NT5DC1: variants seen among roughly 807,000 people sequenced by gnomAD.
NT5DC1 encodes the protein 5'-nucleotidase domain containing 1.
A neutral mutation model predicts 59.4 loss-of-function variants in NT5DC1; 42 were observed. The ratio of observed to expected loss-of-function variants is 0.71; its 90% CI spans 0.55 to 0.92. The LOEUF (loss-of-function observed/expected upper bound fraction) is 0.92, where lower values mean the gene tolerates loss of function less well. Among genes scored for constraint, NT5DC1 ranks in the 40% least tolerant of loss-of-function variants. The pLI is 0.00. For synonymous variants in NT5DC1, 172 were observed against 188.1 expected, an observed-to-expected ratio of 0.91 and a Z score of 0.70; for missense variants, 501 against 537.1, an observed-to-expected ratio of 0.93 and a Z score of 0.66.
At chr6:116,144,648 G>A (rs76017197) in intron 6 of NT5DC1, among the ~76,000 whole-genome samples, 4,516 of 152,150 alleles carry the variant, frequency 0.03, 255 homozygotes, top group African/African-American at 0.1. Context: ...GTTAGTAAAC[G>A]GACTCTTAGA....
At chr6:116,127,590 A>G (rs1396943623) in intron 6 of NT5DC1, among the ~76,000 whole-genome samples, 2 of 152,184 alleles carry the variant, frequency 1.3e-5, no homozygotes, top group African/African-American at 4.8e-5. Flanking sequence ...AGTGAGAGAA[A>G]ACACCTGCCT....
chr6:116,122,020 G>T (rs1779147470), intron 6 of NT5DC1: 3 of 1,414,112 alleles, frequency 2.1e-6, no homozygotes, highest in Non-Finnish European at 3.0e-6. Context: ...ACATTAAAGA[G>T]AATCATTGCC....
chr6:116,172,946 A>G (rs1044042673), intron 6 of NT5DC1, among the ~76,000 whole-genome samples: 10 of 152,164 alleles, frequency 6.6e-5, no homozygotes, highest in African/African-American at 2.4e-4. Flanking sequence ...TGGATAACCA[A>G]TTAGGATAAA....
chr6:116,226,970 T>G (rs529867212), intron 8 of NT5DC1, among the ~76,000 whole-genome samples: 3 of 152,294 alleles, frequency 2.0e-5, no homozygotes, highest in South Asian at 4.2e-4. Flanking sequence ...TTATCATTTT[T>G]TGTGTGTGTG....
intron 4 of NT5DC1, 31 bp from the exon 5 acceptor site, chr6:116,115,660 G>A (rs771375930): frequency 1.6e-5 from 17 of 1,077,140 alleles, no homozygotes; most frequent in Non-Finnish European, 2.5e-5. Context: ...GCATTATGTT[G>A]TTCCCAGTTT....
At position 116,101,118 on chromosome 6, in the gene NT5DC1, C is replaced by T. The variant is rs36043015; in HGVS notation, c.93+95C>T. ...GGTTTGGGCAACGGCGGACGCTGCCCGGGGCCTGCGGCGGCCGAGTCTTGC... is the reference window on the plus strand; with the variant it reads ...GGTTTGGGCAACGGCGGACGCTGCCTGGGGCCTGCGGCGGCCGAGTCTTGC... On this transcript the variant is annotated intron_variant, in intron 1 of 11. Transcript: ENST00000319550. 6 of 871,868 alleles carry T rather than the reference C, an allele frequency of 6.9e-6. No individual in the cohort carries two copies. In the Admixed American group the frequency reaches 8.4e-5, roughly 12 times the overall value. The allele number at this position is 871,868 out of a possible 1,614,324, so 54.0% of individuals were successfully genotyped here. A position where few individuals can be genotyped will look rare whatever the true frequency, so the allele number is the denominator to read the frequency against.
At chr6:116,192,288 A>C (rs1781137601) in intron 6 of NT5DC1, among the ~76,000 whole-genome samples, 1 of 152,008 alleles carries the variant, frequency 6.6e-6, no homozygotes. Context: ...AGTGCCTAAT[A>C]CATAGTGAGG....
At position 116,238,313 on chromosome 6, in the gene NT5DC1, G is replaced by GA; in HGVS notation, c.1049dup (p.Ser351ValfsTer11). The GA allele has an allele frequency of 2.5e-6, 4 of 1,612,800 alleles. No individual in the cohort carries two copies. The highest frequency in any genetic ancestry group is 3.4e-6 in the Non-Finnish European group (4 of 1,179,440). On this transcript the variant is annotated frameshift_variant, in exon 10 of 12. Coordinates refer to ENST00000319550, the MANE Select transcript of NT5DC1 (RefSeq NM_152729.3). LOFTEE classifies it high-confidence loss of function. ...AGGCACGAGGAGTCAGAGGCCTGAG[G>GA]AGTCAGAGCCTCTAGAGAAGAAAGG...
At chr6:116,136,066 G>A (rs1779592977) in intron 6 of NT5DC1, among the ~76,000 whole-genome samples, 1 of 151,814 alleles carries the variant, frequency 6.6e-6, no homozygotes, top group African/African-American at 2.4e-5. Flanking sequence ...GAAACTTTGT[G>A]CCACTTGAAA....
chr6:116,236,849 C>T, intron 8 of NT5DC1, 117 bp from the exon 9 acceptor site: 1 of 653,194 alleles, frequency 1.5e-6, no homozygotes, highest in South Asian at 1.9e-5. Context: ...ATGTCAGCTC[C>T]TTTCCCCACA....
Position 116,238,358 on chromosome 6 carries a change from C to A in NT5DC1, c.1083+10C>A. The stretch of plus-strand genomic sequence containing the variant: ...GAAAGGAAAATATGAGGTAAGGGTT[C>A]CCTGCAGCTCTTTCCTTGAAAGACA... On this transcript the variant is annotated intron_variant, in intron 10 of 11. Transcript: ENST00000319550. The A allele has an allele frequency of 1.9e-6, 3 of 1,542,380 alleles. No homozygotes were observed. Among genetic ancestry groups the A allele is most frequent in the Non-Finnish European group, 8.7e-7 (1 of 1,148,442 alleles).
intron 6 of NT5DC1, among the ~76,000 whole-genome samples, chr6:116,118,287 A>G (rs1240339113): frequency 6.6e-6 from 1 of 152,138 alleles, no homozygotes; most frequent in Non-Finnish European, 1.5e-5. Flanking sequence ...TGTAGTAGTT[A>G]TAGACAGGTG....
At position 116,120,965 on chromosome 6, in the gene NT5DC1, G is replaced by A. The variant is rs199843000; in HGVS notation, c.529+3020G>A. 1.8e-4 allele frequency: 288 copies of A among 1,613,658 alleles called. No homozygotes were observed. Among genetic ancestry groups the A allele is most frequent in the Middle Eastern group, 9.9e-4 (6 of 6,084 alleles). On this transcript the variant is annotated intron_variant, in intron 6 of 11. Transcript: ENST00000319550. ...TCCTGGGTACCCTGGTTTTCCATCT[G>A]ACCCAGGGGAACCCCTTTCACCCTT...
In NT5DC1 at chr6:116,134,327, A is replaced by G. The variant is rs1779538225; in HGVS notation, c.529+16382A>G. On this transcript the variant is annotated intron_variant, in intron 6 of 11. Transcript: ENST00000319550. Reference sequence around the variant, plus strand: ...CTCATGGAGATAAACGCCAGACACCAAAGCCTCTTATGGCCTCTGACTTCT... The same window carrying G: ...CTCATGGAGATAAACGCCAGACACCGAAGCCTCTTATGGCCTCTGACTTCT... Among the ~76,000 whole-genome samples the G allele has an allele frequency of 2.0e-5, 3 of 152,194 alleles. No individual in the cohort carries two copies. The South Asian group carries it at 6.2e-4, about 32-fold the overall frequency.
chr6:116,144,278 G>A (rs1412900939), intron 6 of NT5DC1, among the ~76,000 whole-genome samples: 2 of 152,122 alleles, frequency 1.3e-5, no homozygotes, highest in African/African-American at 2.4e-5. Context: ...CGAGGCGGGC[G>A]GATCATGAAG....
chr6:116,211,824 G>A (rs1304908628), intron 6 of NT5DC1, among the ~76,000 whole-genome samples: 2 of 152,002 alleles, frequency 1.3e-5, no homozygotes, highest in African/African-American at 4.8e-5. Context: ...CTAAGTCTGT[G>A]GTTCTTCATG....
chr6:116,106,712 T>C (rs796834408), intron 2 of NT5DC1, among the ~76,000 whole-genome samples: 38 of 152,332 alleles, frequency 2.5e-4, no homozygotes, highest in African/African-American at 8.9e-4. Context: ...AAAGGAGGAA[T>C]CATCACATTT....
chr6:116,226,751 A>G (rs796419035), intron 8 of NT5DC1, among the ~76,000 whole-genome samples: 12 of 152,202 alleles, frequency 7.9e-5, no homozygotes, highest in African/African-American at 2.9e-4. Context: ...ACATCCTGAT[A>G]ATAAATATAC....
intron 6 of NT5DC1, among the ~76,000 whole-genome samples, chr6:116,195,697 G>A (rs1378435644): frequency 1.3e-5 from 2 of 152,000 alleles, no homozygotes; most frequent in Non-Finnish European, 2.9e-5. Flanking sequence ...GAATATGGTA[G>A]ACTCTCTTGT....
Sources: allele counts gnomAD v4.1 joint callset (sites outside exome capture counted in the v4.1 genomes callset), GRCh38; gene constraint gnomAD v4.1.1; transcripts MANE v1.5; gene names NCBI Gene and HGNC (gene_info 2026-07-23, HGNC 2026-07-21).